Variants in POLR3C observed in about 807,000 individuals in gnomAD.
POLR3C encodes the protein DNA-directed RNA polymerase III subunit RPC3.
In POLR3C, 44 loss-of-function variants were observed where a neutral mutation model predicts 65.9. That is an observed-to-expected ratio of 0.67 (90% CI 0.52 to 0.86). The LOEUF (loss-of-function observed/expected upper bound fraction) is 0.86. Among genes scored for constraint, POLR3C ranks in the 40% least tolerant of loss-of-function variants. The pLI is 0.00. For synonymous variants in POLR3C, 263 were observed against 231.6 expected (o/e 1.14, Z -1.23); for missense variants, 576 against 653.2 (o/e 0.88, Z 1.29).
At chr1:145,835,144 CAAAA>C (rs56819606) in intron 7 of POLR3C, among the ~76,000 whole-genome samples, 7 of 47,288 alleles carry the variant, frequency 1.5e-4, no homozygotes, top group Non-Finnish European at 3.2e-4. Flanking sequence ...AACCCTATTT[CAAAA>C]AAAAAAAAAA....
Position 145,838,051 on chromosome 1 carries a change from T to C in POLR3C, c.1071-5T>C, listed in dbSNP as rs1288492385. ...ATGCCATTTGCTTTCTTCATTCCTT[T>C]CCAGATTTGGGTCTCGCTGTGCTAG... On this transcript the variant is annotated splice_polypyrimidine_tract_variant and splice_region_variant and intron_variant, in intron 10 of 14. Coordinates refer to ENST00000334163, the MANE Select transcript of POLR3C (RefSeq NM_006468.8). 6.2e-7 allele frequency: 1 copy of C among 1,613,836 alleles called. No homozygotes were observed. The highest frequency in any genetic ancestry group is 2.2e-5 in the East Asian group (1 of 44,886).
intron 13 of POLR3C, 104 bp from the exon 14 acceptor site, chr1:145,840,818 T>G (rs1652232634): frequency 6.8e-6 from 5 of 732,298 alleles, no homozygotes; most frequent in Non-Finnish European, 1.1e-5. Flanking sequence ...TTATCTACTT[T>G]GATCAGGAAA....
At chr1:145,824,422 A>C (rs782640933) in intron 1 of POLR3C, 53 bp downstream of exon 1, 6 of 589,144 alleles carry the variant, frequency 1.0e-5, no homozygotes, top group Non-Finnish European at 1.7e-5. Flanking sequence ...CCAAGAGACC[A>C]CGTCCGAAAC....
At chr1:145,828,864 C>T (rs781842114) in intron 5 of POLR3C, 27 bp downstream of exon 5, 1 of 1,269,020 alleles carries the variant, frequency 7.9e-7, no homozygotes, top group East Asian at 2.3e-5. Flanking sequence ...ATTAGAAGTC[C>T]TCACCCTGAA....
chr1:145,824,462 AGGAGCCAAGCGCCTT>A (rs1559139050), intron 1 of POLR3C, 93 bp downstream of exon 1: 2 of 990,640 alleles, frequency 2.0e-6, no homozygotes, highest in Middle Eastern at 2.4e-4. Context: ...GTGTAGAGCT[AGGAGCCAAGCGCCTT>A]GGAAGCCCTT....
intron 7 of POLR3C, among the ~76,000 whole-genome samples, chr1:145,834,836 A>G (rs1004638217): frequency 5.9e-5 from 9 of 152,124 alleles, no homozygotes; most frequent in African/African-American, 1.9e-4. Flanking sequence ...ATATTTTTAT[A>G]TTGTTTATTT....
intron 5 of POLR3C, among the ~76,000 whole-genome samples, chr1:145,831,606 C>T: frequency 6.6e-6 from 1 of 151,538 alleles, no homozygotes; most frequent in Admixed American, 6.6e-5. Flanking sequence ...ATAAAATTAC[C>T]CAAGTAGAGC....
At chr1:145,828,682 C>T in intron 4 of POLR3C, 67 bp from the exon 5 acceptor site, 1 of 1,111,676 alleles carries the variant, frequency 9.0e-7, no homozygotes, top group Non-Finnish European at 1.4e-6. Flanking sequence ...GACACCTGCT[C>T]TCATGTTTGG....
rs996974166 is a variant in POLR3C, at chr1:145,842,665, A to G, written c.*245A>G. Among the ~76,000 whole-genome samples the G allele has an allele frequency of 1.2e-4, 19 of 152,300 alleles. No individual in the cohort carries two copies. Among genetic ancestry groups the G allele is most frequent in the African/African-American group, 4.3e-4 (18 of 41,558 alleles). On this transcript the variant is annotated 3_prime_UTR_variant, in exon 15 of 15. Transcript: ENST00000334163. ...ATCAACAAGGTTAATCATCTATCAG[A>G]TGCATCTGTTCCCATAAAGAAGTTA... is the stretch of plus-strand genomic sequence containing the variant.
At chr1:145,841,360 A>C (rs1299184295) in intron 14 of POLR3C, among the ~76,000 whole-genome samples, 1 of 152,184 alleles carries the variant, frequency 6.6e-6, no homozygotes, top group Non-Finnish European at 1.5e-5. Context: ...TCGTAGGTTC[A>C]AACAGTCTTC....
chr1:145,840,588 A>G (rs891795063), intron 13 of POLR3C, among the ~76,000 whole-genome samples: 4 of 152,170 alleles, frequency 2.6e-5, no homozygotes, highest in Non-Finnish European at 5.9e-5. Context: ...AGAGATAGCA[A>G]CCAGTCTACT....
chr1:145,829,174 A>C (rs587641798), intron 5 of POLR3C, among the ~76,000 whole-genome samples: 1 of 152,216 alleles, frequency 6.6e-6, no homozygotes, highest in African/African-American at 2.4e-5. Context: ...CTCATATTCA[A>C]ATGCCTTCTT....
rs782754524 is a variant in POLR3C at position 145,836,557 on chromosome 1, C to G, written c.940C>G (p.Leu314Val). The G allele has an allele frequency of 6.9e-6, 11 of 1,603,144 alleles. No homozygotes were observed. Among genetic ancestry groups the G allele is most frequent in the Non-Finnish European group, 9.4e-6 (11 of 1,170,084 alleles). ...GCAAGTTCTTGATCAGTATCTCACT[C>G]TGCTGGCAGATGATCCAGTAAGTCT... ...SKQVLDQYLTLLADDPLEFVG... is the reference protein window; with the variant it reads ...SKQVLDQYLTVLADDPLEFVG... Residue 314 changes from leucine to valine, a missense_variant, in exon 8 of 15, where the codon CTG (leucine) becomes GTG (valine). Coordinates refer to ENST00000334163, the MANE Select transcript of POLR3C (RefSeq NM_006468.8).
intron 1 of POLR3C, among the ~76,000 whole-genome samples, chr1:145,825,315 A>G (rs1553725480): frequency 1.3e-5 from 2 of 151,928 alleles, no homozygotes; most frequent in East Asian, 1.9e-4. Context: ...GTTTCACTAT[A>G]TTGGCCAGGC....
At chr1:145,829,546 C>G (rs1651114830) in intron 5 of POLR3C, among the ~76,000 whole-genome samples, 1 of 152,184 alleles carries the variant, frequency 6.6e-6, no homozygotes. Flanking sequence ...CAAAACAAAA[C>G]AACACATCCA....
rs1173081858 is a variant in POLR3C at position 145,844,050 on chromosome 1, G to T, written c.*1630G>T. Among the ~76,000 whole-genome samples the T allele has an allele frequency of 5.1e-4, 78 of 152,180 alleles. No individual in the cohort carries two copies. Among genetic ancestry groups the T allele is most frequent in the Non-Finnish European group, 5.9e-5 (4 of 68,032 alleles). ...GAGGATGTGGAAAAAGGAGAGCCCT[G>T]CCTGGTACACTGTTGGGAATGTAAA... On this transcript the variant is annotated 3_prime_UTR_variant, in exon 15 of 15. Transcript: ENST00000334163.
At chr1:145,827,399 A>G (rs1650856617) in intron 4 of POLR3C, among the ~76,000 whole-genome samples, 1 of 152,140 alleles carries the variant, frequency 6.6e-6, no homozygotes, top group Non-Finnish European at 1.5e-5. Context: ...GGCGAATTGC[A>G]TGAGGCCAGG....
At chr1:145,827,466 A>C (rs1234612361) in intron 4 of POLR3C, among the ~76,000 whole-genome samples, 1 of 152,128 alleles carries the variant, frequency 6.6e-6, no homozygotes, top group East Asian at 1.9e-4. Flanking sequence ...AAATTATAAA[A>C]ATTAGCCAGG....
intron 7 of POLR3C, among the ~76,000 whole-genome samples, chr1:145,834,867 C>T (rs1553728140): frequency 6.6e-6 from 1 of 151,998 alleles, no homozygotes; most frequent in African/African-American, 2.4e-5. Flanking sequence ...TGGCCAGGTG[C>T]AGTGACTCAC....
Sources: gnomAD v4.1 joint callset for allele counts (sites outside exome capture counted in the v4.1 genomes callset) on GRCh38, gnomAD v4.1.1 for gene constraint, MANE v1.5 for transcripts, NCBI Gene and HGNC (gene_info 2026-07-23, HGNC 2026-07-21) for gene names.